Variants in BEAN1 observed in about 807,000 individuals in gnomAD.
BEAN1 encodes protein BEAN1.
In BEAN1, 17 loss-of-function variants were observed where a neutral mutation model predicts 17.7. The observed-to-expected ratio is 0.96, with a 90% CI of 0.66 to 1.44. The LOEUF (loss-of-function observed/expected upper bound fraction) is 1.44. Among genes scored for constraint, BEAN1 ranks in the 40% most tolerant of loss-of-function variants. BEAN1 has a pLI of 0.00. For missense variants in BEAN1, 359 were observed against 374.1 expected, an observed-to-expected ratio of 0.96 and a Z score of 0.33; for synonymous variants, 142 against 151.8, an observed-to-expected ratio of 0.94 and a Z score of 0.47.
intron 1 of BEAN1, among the ~76,000 whole-genome samples, chr16:66,431,357 T>G (rs1341382554): frequency 6.6e-6 from 1 of 152,268 alleles, no homozygotes; most frequent in Non-Finnish European, 1.5e-5. Flanking sequence ...CTTAATTGCT[T>G]TTCATTTTGT....
chr16:66,459,564 A>AC (rs2142413131), intron 2 of BEAN1, among the ~76,000 whole-genome samples: 1 of 152,048 alleles, frequency 6.6e-6, no homozygotes, highest in South Asian at 2.1e-4. Context: ...CAGGTGGTCC[A>AC]CCCACCTCAG....
chr16:66,453,805 C>T (rs1032751026), intron 2 of BEAN1, among the ~76,000 whole-genome samples: 12 of 152,196 alleles, frequency 7.9e-5, no homozygotes, highest in Admixed American at 3.3e-4. Context: ...ACAATCTCAG[C>T]TCATTGCAAC....
intron 2 of BEAN1, among the ~76,000 whole-genome samples, chr16:66,449,861 C>T (rs182813417): frequency 1.8e-3 from 280 of 152,184 alleles, no homozygotes; most frequent in Non-Finnish European, 1.9e-3. Context: ...ATCAATTACA[C>T]CTGCAATACT....
intron 3 of BEAN1, among the ~76,000 whole-genome samples, chr16:66,472,197 G>T (rs185797219): frequency 6.6e-6 from 1 of 152,216 alleles, no homozygotes; most frequent in African/African-American, 2.4e-5. Flanking sequence ...GGCAGAGCTG[G>T]ATAGGTGTCC....
chr16:66,490,362 A>G (rs772720258), intron 4 of BEAN1, among the ~76,000 whole-genome samples: 42 of 142,724 alleles, frequency 2.9e-4, no homozygotes, highest in Non-Finnish European at 4.9e-4. Flanking sequence ...ACGTCACTGC[A>G]CTCCAGCCTG....
At chr16:66,485,502 A>C, downstream of BEAN1, 1 of 237,432 alleles carries the variant, frequency 4.2e-6, no homozygotes, top group Non-Finnish European at 8.5e-6. Context: ...GCTTTGCTTC[A>C]CCCCACATTG....
At chr16:66,448,636 A>G (rs1466652976) in intron 2 of BEAN1, among the ~76,000 whole-genome samples, 2 of 152,168 alleles carry the variant, frequency 1.3e-5, no homozygotes, top group Non-Finnish European at 1.5e-5. Context: ...AGCCTGGCCA[A>G]CATGGCAAAA....
At position 66,480,983 on chromosome 16, in the gene BEAN1, A is replaced by G. The variant is rs1963967537; in HGVS notation, c.*58A>G. 1 of 1,330,610 alleles carries G rather than the reference A, an allele frequency of 7.5e-7. No individual in the cohort carries two copies. Among genetic ancestry groups the G allele is most frequent in the African/African-American group, 1.5e-5 (1 of 67,446 alleles). 82.4% of individuals were successfully genotyped at this position (1,330,610 alleles called of 1,614,324 possible). A position where few individuals can be genotyped will look rare whatever the true frequency, so the allele number is the denominator to read the frequency against. ...ACAGGCTGAACCACATTCTTTAGGC[A>G]CACAAAGGCGTGCACACACACACAG... is the stretch of plus-strand genomic sequence containing the variant. On this transcript the variant is annotated 3_prime_UTR_variant, in exon 5 of 5. Transcript: ENST00000536005.
intron 2 of BEAN1, among the ~76,000 whole-genome samples, chr16:66,457,543 C>G (rs1241869849): frequency 6.6e-6 from 1 of 152,156 alleles, no homozygotes. Context: ...TTTCCTCACC[C>G]CATGATCCAA....
chr16:66,446,432 G>C (rs2142392542), intron 2 of BEAN1, among the ~76,000 whole-genome samples: 1 of 152,282 alleles, frequency 6.6e-6, no homozygotes, highest in East Asian at 1.9e-4. Flanking sequence ...AGGTTTGGTG[G>C]GGGGCTGTGA....
Position 66,427,734 on chromosome 16 carries a change from G to A in BEAN1, c.-83+303G>A, listed in dbSNP as rs1961634987. 6.6e-6 allele frequency: 1 copy of A among 152,070 alleles called. No individual in the cohort carries two copies. The highest frequency in any genetic ancestry group is 6.5e-5 in the Admixed American group (1 of 15,274). 9.4% of individuals were successfully genotyped at this position (152,070 alleles called of 1,614,324 possible). A position where few individuals can be genotyped will look rare whatever the true frequency, so the allele number is the denominator to read the frequency against. The stretch of plus-strand genomic sequence containing the variant: ...GGAAGGGGAGGTATCCAGGTTTTCT[G>A]CCTGACTCGAGTCCCCGACGAGCAT... On this transcript the variant is annotated intron_variant, in intron 1 of 4. Transcript: ENST00000536005. This position sits in a 1 kb window ranked among gnomAD's most constrained non-coding sequence, Gnocchi z 4.7.
chr16:66,494,698 T>C (rs1431870236), downstream of BEAN1, among the ~76,000 whole-genome samples: 1 of 152,358 alleles, frequency 6.6e-6, no homozygotes, highest in East Asian at 1.9e-4. Context: ...GCCTCCCTTT[T>C]CTTTCGGCTA....
chr16:66,433,671 G>T (rs1961894653), intron 1 of BEAN1, among the ~76,000 whole-genome samples: 1 of 152,224 alleles, frequency 6.6e-6, no homozygotes, highest in Admixed American at 6.5e-5. Context: ...TCACAGTGTT[G>T]TCATCTGTGA....
rs1251018819 is a variant in BEAN1, at chr16:66,471,510, C to T, written c.289+1645C>T. Among the ~76,000 whole-genome samples, 1 of 152,214 alleles carries T rather than the reference C, an allele frequency of 6.6e-6. No individual in the cohort carries two copies. The highest frequency in any genetic ancestry group is 1.5e-5 in the Non-Finnish European group (1 of 68,032). On this transcript the variant is annotated intron_variant, in intron 3 of 4. Coordinates refer to ENST00000536005, the MANE Select transcript of BEAN1 (RefSeq NM_001178020.3). This position sits in a 1 kb window ranked among gnomAD's most constrained non-coding sequence, Gnocchi z 4.7. ...GGCTCAAGGCAGTGTCCGGCAGACA[C>T]GTACATGGCCACAGTGGGTGTCACT... is the stretch of plus-strand genomic sequence containing the variant.
In BEAN1 at chr16:66,476,772, C is replaced by G. The variant is rs1963765444; in HGVS notation, c.290-788C>G. ...CAGCAGCATTTCCTAAACAGTGTTA[C>G]TAGGTCTAAGAAAGGAAGATTCTGA... On this transcript the variant is annotated intron_variant, in intron 3 of 4. Coordinates refer to ENST00000536005, the MANE Select transcript of BEAN1 (RefSeq NM_001178020.3). Among the ~76,000 whole-genome samples, 4 of 152,198 alleles carry G rather than the reference C, an allele frequency of 2.6e-5. No individual in the cohort carries two copies. In the South Asian group the frequency reaches 8.3e-4, roughly 32 times the overall value.
chr16:66,458,954 G>A (rs370007381), intron 2 of BEAN1, among the ~76,000 whole-genome samples: 3 of 152,242 alleles, frequency 2.0e-5, no homozygotes, highest in African/African-American at 7.2e-5. Flanking sequence ...GCCTCGTCAG[G>A]GGACTTGGGG....
chr16:66,493,536 A>C (rs1433913406), downstream of BEAN1: 2 of 583,896 alleles, frequency 3.4e-6, no homozygotes, highest in Non-Finnish European at 6.1e-6. Flanking sequence ...TGGTTTCCCA[A>C]GGACATTTTC....
At chr16:66,492,096 C>T (rs1430317638) in intron 4 of BEAN1, among the ~76,000 whole-genome samples, 1 of 152,086 alleles carries the variant, frequency 6.6e-6, no homozygotes, top group African/African-American at 2.4e-5. Flanking sequence ...GGCTGGAGTA[C>T]AGTGGCGCGA....
At position 66,469,876 on chromosome 16, in the gene BEAN1, G is replaced by A. The variant is rs764916005; in HGVS notation, c.289+11G>A. The A allele has an allele frequency of 3.5e-5, 53 of 1,530,860 alleles. No individual in the cohort carries two copies. The Middle Eastern group carries it at 6.3e-4, about 18-fold the overall frequency. 94.8% of individuals were successfully genotyped at this position (1,530,860 alleles called of 1,614,324 possible). A position where few individuals can be genotyped will look rare whatever the true frequency, so the allele number is the denominator to read the frequency against. ...ACGAGCACGGCTACGGTGAGCCGCC[G>A]CCCACCCTGGGGCCCTGGGACCTCA... On this transcript the variant is annotated intron_variant, in intron 3 of 4. Coordinates refer to ENST00000536005, the MANE Select transcript of BEAN1 (RefSeq NM_001178020.3).
Sources: gnomAD v4.1 joint callset for allele counts (sites outside exome capture counted in the v4.1 genomes callset) on GRCh38, gnomAD v4.1.1 for gene constraint, Gnocchi (gnomAD v3.1) non-coding constraint, MANE v1.5 for transcripts, NCBI Gene and HGNC (gene_info 2026-07-23, HGNC 2026-07-21) for gene names.